The following MRC2 variants were observed in gnomAD, a reference collection of about 807,000 sequenced individuals.
MRC2 encodes C-type mannose receptor 2.
A neutral mutation model predicts 206.2 loss-of-function variants in MRC2; 84 were observed. The ratio of observed to expected loss-of-function variants is 0.41; its 90% confidence interval spans 0.34 to 0.49. MRC2 has a LOEUF of 0.49. Among genes scored for constraint, MRC2 ranks in the 20% least tolerant of loss-of-function variants. The pLI is 0.31. For synonymous variants in MRC2, 798 were observed against 800.0 expected (o/e 1.00, Z 0.04); for missense variants, 1,676 against 2,001.5 (o/e 0.84, Z 3.10).
At chr17:62,648,713 G>A (rs1038507467) in intron 1 of MRC2, among the ~76,000 whole-genome samples, 4 of 152,148 alleles carry the variant, frequency 2.6e-5, no homozygotes, top group Non-Finnish European at 5.9e-5. Flanking sequence ...AATTGGGGTC[G>A]GGGGAGGACT....
intron 1 of MRC2, among the ~76,000 whole-genome samples, chr17:62,645,501 A>T (rs1398283211): frequency 2.5e-4 from 18 of 72,594 alleles, no homozygotes; most frequent in African/African-American, 1.0e-3. Context: ...TATATATTAT[A>T]TATATATATA....
At position 62,680,326 on chromosome 17, in the gene MRC2, T is replaced by C; in HGVS notation, c.2437+18T>C. 2 of 1,613,656 alleles carry C rather than the reference T, an allele frequency of 1.2e-6. No individual in the cohort carries two copies. The highest frequency in any genetic ancestry group is 2.2e-5 in the East Asian group (1 of 44,844). On this transcript the variant is annotated intron_variant, in intron 15 of 29. Transcript: ENST00000303375. The surrounding 1 kb of genome is among the most constrained non-coding windows in gnomAD (Gnocchi z 4.8). The stretch of plus-strand genomic sequence containing the variant: ...CCCCAGAGGTTGGCCGGAGTGGCGC[T>C]GGGGGACGCGGGATGGAGCGAAGGG...
At chr17:62,641,690 T>C (rs2088406077) in intron 1 of MRC2, among the ~76,000 whole-genome samples, 1 of 152,198 alleles carries the variant, frequency 6.6e-6, no homozygotes, top group Non-Finnish European at 1.5e-5. Context: ...GGTGGACGAA[T>C]GGACTCCAGC....
intron 20 of MRC2, among the ~76,000 whole-genome samples, chr17:62,682,872 A>G (rs1308267287): frequency 6.6e-6 from 1 of 151,702 alleles, no homozygotes; most frequent in Non-Finnish European, 1.5e-5. Context: ...GAACCCCTGA[A>G]CTCAGGTGAT....
Position 62,632,609 on chromosome 17 carries a change from T to C in MRC2, c.118+4689T>C, listed in dbSNP as rs1025754522. Reference sequence around the variant, plus strand: ...GCACGATCACTTTGCCTGGTGTGCCTCCCCTCCCCTCTTCTTTCCCACCTT... The same window carrying C: ...GCACGATCACTTTGCCTGGTGTGCCCCCCCTCCCCTCTTCTTTCCCACCTT... On this transcript the variant is annotated intron_variant, in intron 1 of 29. Coordinates refer to ENST00000303375, the MANE Select transcript of MRC2 (RefSeq NM_006039.5). Among the ~76,000 whole-genome samples the C allele has an allele frequency of 2.6e-5, 4 of 152,122 alleles. No homozygotes were observed. In the East Asian group the frequency reaches 7.7e-4, roughly 29 times the overall value.
chr17:62,667,234 G>A lies in MRC2; in HGVS notation c.974-156G>A, dbSNP rs2088769066. On this transcript the variant is annotated intron_variant, in intron 5 of 29. Coordinates refer to ENST00000303375, the MANE Select transcript of MRC2 (RefSeq NM_006039.5). This position sits in a 1 kb window ranked among gnomAD's most constrained non-coding sequence, Gnocchi z 4.1. ...CAGGTTAGAAAGCGCGGAGGACCCCGTGGTCTGGGGCGGAGCTGGAGCTGA... is the reference window on the plus strand; with the variant it reads ...CAGGTTAGAAAGCGCGGAGGACCCCATGGTCTGGGGCGGAGCTGGAGCTGA... 6.6e-6 allele frequency among the ~76,000 whole-genome samples: 1 copy of A among 152,156 alleles called. No individual in the cohort carries two copies. The highest frequency in any genetic ancestry group is 2.4e-5 in the African/African-American group (1 of 41,436).
intron 1 of MRC2, among the ~76,000 whole-genome samples, chr17:62,631,985 C>T (rs1381973816): frequency 2.6e-5 from 4 of 152,098 alleles, no homozygotes; most frequent in Non-Finnish European, 5.9e-5. Flanking sequence ...CTGAGCACTG[C>T]TGATAGGAAG....
At chr17:62,676,740 T>A (rs1391243703) in intron 11 of MRC2, 3 of 531,702 alleles carry the variant, frequency 5.6e-6, no homozygotes, top group Non-Finnish European at 9.5e-6. Flanking sequence ...GAGCCTCAGT[T>A]TTCTCATCTG....
intron 1 of MRC2, among the ~76,000 whole-genome samples, chr17:62,633,482 A>G (rs1272716955): frequency 2.0e-5 from 3 of 148,414 alleles, no homozygotes; most frequent in Non-Finnish European, 3.0e-5. Flanking sequence ...CAGCCTGGGC[A>G]ACAGAGCGGG....
At chr17:62,665,638 G>A (rs978842653) in intron 2 of MRC2, among the ~76,000 whole-genome samples, 1 of 152,162 alleles carries the variant, frequency 6.6e-6, no homozygotes, top group African/African-American at 2.4e-5. Context: ...GGTGAATGGG[G>A]ACCAGAGTCA....
At chr17:62,679,676 G>C in intron 13 of MRC2, 124 bp from the exon 14 acceptor site, 1 of 789,364 alleles carries the variant, frequency 1.3e-6, no homozygotes. Flanking sequence ...GTGAAGCCCA[G>C]ATGGAGAGGC....
At chr17:62,673,689 C>A (rs1388824584) in intron 8 of MRC2, among the ~76,000 whole-genome samples, 1 of 151,874 alleles carries the variant, frequency 6.6e-6, no homozygotes, top group Non-Finnish European at 1.5e-5. Context: ...TTTGTATTTT[C>A]AGTAGAGATG....
Position 62,664,960 on chromosome 17 carries a change from G to A in MRC2, c.520+11G>A, listed in dbSNP as rs547921652. 15 of 1,586,704 alleles carry A rather than the reference G, an allele frequency of 9.5e-6. No homozygotes were observed. The highest frequency in any genetic ancestry group is 6.8e-5 in the Admixed American group (4 of 59,022). On this transcript the variant is annotated intron_variant, in intron 2 of 29. Transcript: ENST00000303375. This position sits in a 1 kb window ranked among gnomAD's most constrained non-coding sequence, Gnocchi z 4.7. ...CTCTGCCCTACCACGGTGAGGGGCCGCTTGCAGGCGGGAGGGTGGGGTCCC... is the reference window on the plus strand; with the variant it reads ...CTCTGCCCTACCACGGTGAGGGGCCACTTGCAGGCGGGAGGGTGGGGTCCC...
chr17:62,680,402 G>A lies in MRC2; in HGVS notation c.2438-16G>A. The stretch of plus-strand genomic sequence containing the variant: ...GGTCTCCTTTCCTCACAACGTCTTT[G>A]TCCTTGTTCCCCTAGGTACGGACGT... On this transcript the variant is annotated splice_polypyrimidine_tract_variant and intron_variant, in intron 15 of 29. Coordinates refer to ENST00000303375, the MANE Select transcript of MRC2 (RefSeq NM_006039.5). The surrounding 1 kb of genome is among the most constrained non-coding windows in gnomAD (Gnocchi z 4.8). 1 of 1,614,100 alleles carries A rather than the reference G, an allele frequency of 6.2e-7. No homozygotes were observed. The highest frequency in any genetic ancestry group is 8.5e-7 in the Non-Finnish European group (1 of 1,179,994).
chr17:62,681,084 A>G lies in MRC2; in HGVS notation c.2657A>G (p.His886Arg), dbSNP rs2088960842. Residue 886 changes from histidine (H) to arginine (R), a missense_variant, in exon 18 of 30, where the codon CAC becomes CGC. Coordinates refer to ENST00000303375, the MANE Select transcript of MRC2 (RefSeq NM_006039.5). ...CAGTTCTCCCGGGCCCAGGAGCAGC[A>G]CTGGTGGATCGGCCTGCACACCTCT... ...LQKFSRAQEQ[H>R]WWIGLHTSES... The G allele has an allele frequency of 1.9e-6, 3 of 1,613,566 alleles. No homozygotes were observed. In the South Asian group the frequency reaches 3.3e-5, roughly 18 times the overall value.
intron 1 of MRC2, among the ~76,000 whole-genome samples, chr17:62,647,848 G>A (rs962577178): frequency 1.3e-5 from 2 of 152,194 alleles, no homozygotes; most frequent in African/African-American, 4.8e-5. Flanking sequence ...GAGCCGTGAG[G>A]TGAGATCTTC....
rs774190435 is a variant in MRC2 at position 62,689,621 on chromosome 17, G to A, written c.3434G>A (p.Arg1145His). ...TTCCGGCTGCTTCAGAAGCCGCTGC[G>A]CTGGCACGATGCCCTCCTGCTGTGT... ...GTFRLLQKPL[R>H]WHDALLLCES... Residue 1145 changes from arginine (R) to histidine (H), a missense_variant, in exon 24 of 30, where the codon CGC becomes CAC. Transcript: ENST00000303375. 2.2e-5 allele frequency: 35 copies of A among 1,602,810 alleles called. No homozygotes were observed. Among genetic ancestry groups the A allele is most frequent in the South Asian group, 3.4e-5 (3 of 89,134 alleles).
At chr17:62,638,790 C>T (rs959851905) in intron 1 of MRC2, among the ~76,000 whole-genome samples, 5 of 147,920 alleles carry the variant, frequency 3.4e-5, no homozygotes, top group South Asian at 2.2e-4. Flanking sequence ...TGGTGGTGGG[C>T]GCCTGTAATC....
At chr17:62,673,231 A>T (rs1235004542) in intron 8 of MRC2, among the ~76,000 whole-genome samples, 4 of 152,072 alleles carry the variant, frequency 2.6e-5, no homozygotes, top group Non-Finnish European at 5.9e-5. Context: ...CTCAGAATGG[A>T]GCTTAGAGAC....
Sources: allele counts gnomAD v4.1 joint callset (sites outside exome capture counted in the v4.1 genomes callset), GRCh38; gene constraint gnomAD v4.1.1; non-coding constraint Gnocchi (gnomAD v3.1); transcripts MANE v1.5; gene names NCBI Gene and HGNC (gene_info 2026-07-23, HGNC 2026-07-21).